Variants in GRID2 observed in about 807,000 individuals in gnomAD.
GRID2 encodes glutamate receptor ionotropic, delta-2.
In GRID2, 33 loss-of-function variants were observed where a neutral mutation model predicts 114.8. The observed-to-expected ratio is 0.29, with a 90% CI of 0.22 to 0.38. GRID2 has a LOEUF of 0.38. Ranked by LOEUF, GRID2 falls within the 10% of genes least tolerant of loss-of-function variation. The pLI, the probability that GRID2 is intolerant of heterozygous loss-of-function variation, is 1.00. For missense variants in GRID2, 1,184 were observed against 1,257.7 expected (o/e 0.94, Z 0.89); for synonymous variants, 505 against 449.9 (o/e 1.12, Z -1.55).
chr4:92,876,291 A>ATT (rs1438185894), intron 2 of GRID2, among the ~76,000 whole-genome samples: 2 of 149,336 alleles, frequency 1.3e-5, no homozygotes, highest in Non-Finnish European at 3.0e-5. Context: ...TATTTTATTT[A>ATT]TTTATTTATT....
intron 8 of GRID2, among the ~76,000 whole-genome samples, chr4:93,297,825 T>C (rs1433651): frequency 0.054 from 8,205 of 152,212 alleles, 735 homozygotes; most frequent in African/African-American, 0.19. Context: ...CTTGACCAAT[T>C]TTCTGTACAA....
chr4:92,828,524 C>A (rs1180829899), intron 2 of GRID2, among the ~76,000 whole-genome samples: 1 of 151,998 alleles, frequency 6.6e-6, no homozygotes, highest in Non-Finnish European at 1.5e-5. Flanking sequence ...CAGAATCATT[C>A]TTTGGCAACA....
At chr4:92,746,088 G>A (rs1211237860) in intron 2 of GRID2, among the ~76,000 whole-genome samples, 1 of 152,016 alleles carries the variant, frequency 6.6e-6, no homozygotes, top group African/African-American at 2.4e-5. Context: ...CTAGTGTTTA[G>A]GTAGTAACCT....
intron 2 of GRID2, among the ~76,000 whole-genome samples, chr4:92,695,042 C>G (rs112309899): frequency 6.6e-6 from 1 of 152,086 alleles, no homozygotes; most frequent in Non-Finnish European, 1.5e-5. Flanking sequence ...TCTCGGCTCA[C>G]TGCAACCCCT....
chr4:92,950,108 C>T (rs1751920134), intron 2 of GRID2, among the ~76,000 whole-genome samples: 1 of 152,090 alleles, frequency 6.6e-6, no homozygotes. Context: ...GCTTCTCTGG[C>T]CAGCTACACA....
Position 92,598,481 on chromosome 4 carries a change from G to A in GRID2, c.244+8195G>A, listed in dbSNP as rs140075777. 2.2e-3 allele frequency among the ~76,000 whole-genome samples: 335 copies of A among 152,144 alleles called. 1 individual carries two copies. The highest frequency in any genetic ancestry group is 7.6e-3 in the African/African-American group (317 of 41,526). ...TATACTGCAGACACTCAAAATGTCTGCATTTAGTTCGGTATGTAAATCTTA... is the reference window on the plus strand; with the variant it reads ...TATACTGCAGACACTCAAAATGTCTACATTTAGTTCGGTATGTAAATCTTA... On this transcript the variant is annotated intron_variant, in intron 2 of 15. Transcript: ENST00000282020.
intron 2 of GRID2, among the ~76,000 whole-genome samples, chr4:93,021,702 G>A (rs1444293241): frequency 1.4e-5 from 2 of 138,586 alleles, no homozygotes; most frequent in Admixed American, 7.3e-5. Context: ...TGTATATTAT[G>A]AATATTATAA....
chr4:92,411,171 A>G (rs1731281663), intron 1 of GRID2, among the ~76,000 whole-genome samples: 1 of 152,136 alleles, frequency 6.6e-6, no homozygotes, highest in Non-Finnish European at 1.5e-5. Flanking sequence ...AGAAAGTAAA[A>G]TAATTATTAT....
At chr4:93,095,853 TC>T (rs1731178287) in intron 3 of GRID2, among the ~76,000 whole-genome samples, 2 of 152,062 alleles carry the variant, frequency 1.3e-5, no homozygotes, top group Admixed American at 6.6e-5. Flanking sequence ...TAATCAAAAA[TC>T]TTAAATTTTT....
At chr4:92,423,078 A>T (rs1731982143) in intron 1 of GRID2, among the ~76,000 whole-genome samples, 1 of 152,138 alleles carries the variant, frequency 6.6e-6, no homozygotes, top group Non-Finnish European at 1.5e-5. Context: ...AAATCCTGCC[A>T]TCTTTGTAGA....
intron 7 of GRID2, among the ~76,000 whole-genome samples, chr4:93,236,310 C>T (rs1271057206): frequency 6.6e-6 from 1 of 151,876 alleles, no homozygotes; most frequent in Admixed American, 6.6e-5. Context: ...TCAAAGGGAA[C>T]AAAGGAGAAA....
rs866561585 is a variant in GRID2, at chr4:93,301,382, A to G, written c.1245+62892A>G. Among the ~76,000 whole-genome samples, 12 of 152,330 alleles carry G rather than the reference A, an allele frequency of 7.9e-5. No individual in the cohort carries two copies. In the South Asian group the frequency reaches 1.7e-3, roughly 21 times the overall value. ...TGTGGGACTTCCTAAATTAAAAAGT[A>G]GTTATTTTCTCATATTTTTTACTTT... On this transcript the variant is annotated intron_variant, in intron 8 of 15. Coordinates refer to ENST00000282020, the MANE Select transcript of GRID2 (RefSeq NM_001510.4).
At chr4:92,386,235 T>C (rs1729954214) in intron 1 of GRID2, among the ~76,000 whole-genome samples, 1 of 151,688 alleles carries the variant, frequency 6.6e-6, no homozygotes, top group African/African-American at 2.4e-5. Flanking sequence ...ATTATTCCCT[T>C]CAGACCTATG....
chr4:92,736,767 T>C (rs1159527654), intron 2 of GRID2, among the ~76,000 whole-genome samples: 4 of 152,090 alleles, frequency 2.6e-5, no homozygotes, highest in African/African-American at 9.7e-5. Flanking sequence ...ACGTTTTTCT[T>C]CTAACAGTCC....
chr4:93,493,973 A>G (rs1042454676), intron 12 of GRID2, among the ~76,000 whole-genome samples: 4 of 151,824 alleles, frequency 2.6e-5, no homozygotes, highest in Non-Finnish European at 5.9e-5. Context: ...CAAATAAGTT[A>G]AAAGAAGCCA....
intron 1 of GRID2, among the ~76,000 whole-genome samples, chr4:92,500,059 C>G (rs1380365654): frequency 1.3e-5 from 2 of 152,146 alleles, no homozygotes; most frequent in African/African-American, 4.8e-5. Context: ...AAGTTGACAA[C>G]AATTCGTTCT....
intron 1 of GRID2, among the ~76,000 whole-genome samples, chr4:92,589,338 G>A (rs1395991680): frequency 1.3e-5 from 2 of 151,994 alleles, no homozygotes; most frequent in Non-Finnish European, 2.9e-5. Flanking sequence ...ACAAATGTGA[G>A]GTGTAGAATT....
chr4:93,738,526 A>G (rs1242037941), intron 14 of GRID2, among the ~76,000 whole-genome samples: 1 of 152,130 alleles, frequency 6.6e-6, no homozygotes, highest in Admixed American at 6.6e-5. Context: ...CTAGGGGAAG[A>G]CTTAATAAAT....
At chr4:92,586,536 G>T (rs1158357536) in intron 1 of GRID2, among the ~76,000 whole-genome samples, 2 of 151,832 alleles carry the variant, frequency 1.3e-5, no homozygotes, top group Non-Finnish European at 2.9e-5. Flanking sequence ...TTTTTTAACA[G>T]AAGTACTGTA....
Sources: gnomAD v4.1 joint callset for allele counts (sites outside exome capture counted in the v4.1 genomes callset) on GRCh38, gnomAD v4.1.1 for gene constraint, MANE v1.5 for transcripts, NCBI Gene and HGNC (gene_info 2026-07-23, HGNC 2026-07-21) for gene names.